SEMA3E: variants seen among roughly 807,000 people sequenced by gnomAD.
SEMA3E encodes the protein semaphorin-3E.
In SEMA3E, 49 loss-of-function variants were observed where a neutral mutation model predicts 93.6. That is an observed-to-expected ratio of 0.52 (90% CI 0.42 to 0.66). The LOEUF (loss-of-function observed/expected upper bound fraction) is 0.66, where lower values mean the gene tolerates loss of function less well. SEMA3E is among the 30% of genes least tolerant of loss of function. The pLI, the probability that SEMA3E is intolerant of heterozygous loss-of-function variation, is 0.00. For synonymous variants in SEMA3E, 363 were observed against 330.7 expected, an observed-to-expected ratio of 1.10 and a Z score of -1.06; for missense variants, 906 against 964.8, an observed-to-expected ratio of 0.94 and a Z score of 0.81.
intron 1 of SEMA3E, among the ~76,000 whole-genome samples, chr7:83,519,240 C>T (rs938195676): frequency 7.9e-5 from 12 of 151,658 alleles, no homozygotes; most frequent in Admixed American, 6.6e-5. Flanking sequence ...TTTGTTCTTG[C>T]GATAGTTTAC....
At chr7:83,439,595 ATAAT>A (rs1284084202) in intron 4 of SEMA3E, among the ~76,000 whole-genome samples, 4 of 152,344 alleles carry the variant, frequency 2.6e-5, no homozygotes, top group Middle Eastern at 3.4e-3. Flanking sequence ...TAACAATTAA[ATAAT>A]TATTTCTGAT....
chr7:83,564,689 A>T (rs2115846331), intron 1 of SEMA3E, among the ~76,000 whole-genome samples: 1 of 152,260 alleles, frequency 6.6e-6, no homozygotes, highest in East Asian at 1.9e-4. Flanking sequence ...TGTTTTTTTA[A>T]CTTCTATAAC....
At chr7:83,547,955 G>C (rs1336035114) in intron 1 of SEMA3E, among the ~76,000 whole-genome samples, 1 of 152,068 alleles carries the variant, frequency 6.6e-6, no homozygotes, top group Non-Finnish European at 1.5e-5. Flanking sequence ...TTCCCAGTCT[G>C]GATGAGGCTG....
At chr7:83,598,210 A>G (rs996784103) in intron 1 of SEMA3E, among the ~76,000 whole-genome samples, 8 of 152,198 alleles carry the variant, frequency 5.3e-5, no homozygotes, top group Admixed American at 3.9e-4. Context: ...GCCTTATGGT[A>G]GATGGCACAG....
intron 4 of SEMA3E, among the ~76,000 whole-genome samples, chr7:83,431,722 A>AT (rs1168153358): frequency 2.6e-5 from 4 of 152,178 alleles, no homozygotes; most frequent in Admixed American, 6.5e-5. Context: ...AGCAAGTGGT[A>AT]TTAATGGGTA....
intron 1 of SEMA3E, among the ~76,000 whole-genome samples, chr7:83,616,118 T>C (rs930297408): frequency 6.6e-6 from 1 of 152,130 alleles, no homozygotes; most frequent in Non-Finnish European, 1.5e-5. Flanking sequence ...TCAATAATTA[T>C]GTTCAGTTGG....
At chr7:83,627,647 T>G (rs1235344972) in intron 1 of SEMA3E, among the ~76,000 whole-genome samples, 1 of 147,472 alleles carries the variant, frequency 6.8e-6, no homozygotes, top group Non-Finnish European at 1.5e-5. Context: ...TTTTTTTTTT[T>G]TTTTTGCTTT....
intron 2 of SEMA3E, among the ~76,000 whole-genome samples, chr7:83,477,438 A>G (rs1045360937): frequency 2.6e-5 from 4 of 152,134 alleles, no homozygotes; most frequent in Non-Finnish European, 5.9e-5. Flanking sequence ...AGAACACATT[A>G]AAATAGTCTT....
At position 83,525,954 on chromosome 7, in the gene SEMA3E, AT is replaced by A. The variant is rs1038776006; in HGVS notation, c.116-35681del. ...TTGCTATAGAAAGGGTTGGTAGGTT[AT>A]TTTTTTTTTTTTAGGAAGTCCAGCA... On this transcript the variant is annotated intron_variant, in intron 1 of 16. Coordinates refer to ENST00000643230, the MANE Select transcript of SEMA3E (RefSeq NM_012431.3). Among the ~76,000 whole-genome samples, 442 of 138,688 alleles carry A rather than the reference AT, an allele frequency of 3.2e-3. 2 individuals are homozygous for A. Among genetic ancestry groups the A allele is most frequent in the African/African-American group, 4.3e-3 (162 of 38,050 alleles). The allele number at this position is 138,688 out of a possible 152,430, so 91.0% of individuals were successfully genotyped here.
At chr7:83,420,123 G>A (rs12668853) in intron 4 of SEMA3E, among the ~76,000 whole-genome samples, 13,970 of 152,116 alleles carry the variant, frequency 0.092, 783 homozygotes, top group East Asian at 0.15. Flanking sequence ...CTAAAAATCA[G>A]CAAAATTTCT....
At chr7:83,561,317 T>C (rs1792026051) in intron 1 of SEMA3E, among the ~76,000 whole-genome samples, 1 of 152,108 alleles carries the variant, frequency 6.6e-6, no homozygotes, top group African/African-American at 2.4e-5. Context: ...AAATTATTCA[T>C]CTTTCTATTC....
At chr7:83,445,539 G>A (rs905872453) in intron 4 of SEMA3E, among the ~76,000 whole-genome samples, 9 of 152,020 alleles carry the variant, frequency 5.9e-5, no homozygotes, top group Admixed American at 2.6e-4. Context: ...CCAACATGGT[G>A]AAACCCCGTC....
chr7:83,395,907 G>A (rs1436589315), intron 12 of SEMA3E, among the ~76,000 whole-genome samples: 1 of 152,092 alleles, frequency 6.6e-6, no homozygotes, highest in Non-Finnish European at 1.5e-5. Flanking sequence ...GTATTGATCT[G>A]TTGATAATTA....
At chr7:83,463,896 A>C (rs906425510) in intron 4 of SEMA3E, among the ~76,000 whole-genome samples, 1 of 151,890 alleles carries the variant, frequency 6.6e-6, no homozygotes, top group African/African-American at 2.4e-5. Flanking sequence ...TAGCTTTACT[A>C]AACATGCCCT....
chr7:83,597,665 A>T (rs968098006), intron 1 of SEMA3E, among the ~76,000 whole-genome samples: 1 of 152,148 alleles, frequency 6.6e-6, no homozygotes, highest in African/African-American at 2.4e-5. Flanking sequence ...CCAAACATAG[A>T]TTCAGCGTGT....
intron 1 of SEMA3E, among the ~76,000 whole-genome samples, chr7:83,608,580 C>G (rs1793176896): frequency 6.6e-6 from 1 of 152,046 alleles, no homozygotes; most frequent in African/African-American, 2.4e-5. Context: ...TCATCATAAA[C>G]AACCCCTCTC....
chr7:83,419,479 CTGTTT>C (rs772184037), intron 4 of SEMA3E, among the ~76,000 whole-genome samples: 2 of 152,094 alleles, frequency 1.3e-5, no homozygotes, highest in African/African-American at 2.4e-5. Context: ...AATGGTAATT[CTGTTT>C]TAAGTTATTT....
At chr7:83,523,787 A>G (rs1000816638) in intron 1 of SEMA3E, among the ~76,000 whole-genome samples, 4 of 152,098 alleles carry the variant, frequency 2.6e-5, no homozygotes, top group Non-Finnish European at 5.9e-5. Context: ...TATTTTATAA[A>G]ATTACAGTAA....
chr7:83,582,924 G>A (rs1042713784), intron 1 of SEMA3E, among the ~76,000 whole-genome samples: 4 of 151,994 alleles, frequency 2.6e-5, no homozygotes, highest in Admixed American at 2.6e-4. Flanking sequence ...TATGTATATA[G>A]ACATATGTTT....
Sources: allele counts gnomAD v4.1 joint callset (sites outside exome capture counted in the v4.1 genomes callset), GRCh38; gene constraint gnomAD v4.1.1; transcripts MANE v1.5; gene names NCBI Gene and HGNC (gene_info 2026-07-23, HGNC 2026-07-21).